PTGER3: variants seen among roughly 807,000 people sequenced by gnomAD.
PTGER3 encodes prostaglandin E receptor 3.
In PTGER3, 22 loss-of-function variants were observed where a neutral mutation model predicts 34.7. The ratio of observed to expected loss-of-function variants is 0.63; its 90% CI spans 0.45 to 0.91. The LOEUF is 0.91. Ranked by LOEUF, PTGER3 falls within the 40% of genes least tolerant of loss-of-function variation. The probability of loss-of-function intolerance (pLI) is 0.00; values close to 1 mark genes in which losing one functional copy is unlikely to be tolerated. For synonymous variants in PTGER3, 241 were observed against 230.1 expected (o/e 1.05, Z -0.43); for missense variants, 468 against 519.4 (o/e 0.90, Z 0.96).
At chr1:71,026,370 T>C (rs1229633979) in intron 1 of PTGER3, among the ~76,000 whole-genome samples, 2 of 152,186 alleles carry the variant, frequency 1.3e-5, no homozygotes, top group Admixed American at 6.5e-5. Flanking sequence ...GCAAGTGCCA[T>C]GCGATATTTA....
At position 71,045,321 on chromosome 1, in the gene PTGER3, T is replaced by A. The variant is rs141560217; in HGVS notation, c.897+1360A>T. On this transcript the variant is annotated intron_variant, in intron 1 of 3. Coordinates refer to ENST00000306666, the MANE Select transcript of PTGER3 (RefSeq NM_198719.2). ...GCCTAATGCCACTGAACTGTACACA[T>A]AATAATGGTTAAAATACTGAATTGT... Among the ~76,000 whole-genome samples the A allele has an allele frequency of 2.1e-3, 327 of 152,326 alleles. 1 individual carries two copies. The highest frequency in any genetic ancestry group is 7.6e-3 in the African/African-American group (317 of 41,574).
At chr1:70,863,897 TG>T (rs1307376189) in intron 4 of PTGER3, among the ~76,000 whole-genome samples, 2 of 152,112 alleles carry the variant, frequency 1.3e-5, no homozygotes, top group Non-Finnish European at 2.9e-5. Flanking sequence ...CATATTATAT[TG>T]GGACATGAAA....
At chr1:70,993,126 T>C (rs1048979048) in intron 2 of PTGER3, among the ~76,000 whole-genome samples, 6 of 152,224 alleles carry the variant, frequency 3.9e-5, no homozygotes, top group African/African-American at 1.4e-4. Context: ...CTTCCAGATA[T>C]TCTCTTATGA....
At position 70,931,830 on chromosome 1, in the gene PTGER3, C is replaced by T. The variant is rs140896909; in HGVS notation, c.*23+21933G>A. 7.2e-3 allele frequency among the ~76,000 whole-genome samples: 1,091 copies of T among 152,276 alleles called. 14 individuals carry two copies. The highest frequency in any genetic ancestry group is 0.025 in the African/African-American group (1,047 of 41,554). On this transcript the variant is annotated intron_variant, in intron 4 of 4. Coordinates refer to the PTGER3 transcript ENST00000370931. The stretch of plus-strand genomic sequence containing the variant: ...GGCTGCCACAAAGACCTATGACATG[C>T]CCTGGGTACATTTTCCCCATTGTCT...
At chr1:70,972,583 A>G (rs1242604584) in intron 3 of PTGER3, among the ~76,000 whole-genome samples, 1 of 152,056 alleles carries the variant, frequency 6.6e-6, no homozygotes, top group Admixed American at 6.5e-5. Context: ...GTACTTGGGT[A>G]ATGATACAGT....
intron 4 of PTGER3, among the ~76,000 whole-genome samples, chr1:70,902,384 T>G (rs116122902): frequency 3.3e-5 from 5 of 152,186 alleles, no homozygotes; most frequent in Non-Finnish European, 7.3e-5. Flanking sequence ...GTACCACATG[T>G]CTGGCAACTG....
chr1:70,965,653 A>G (rs893640763), intron 2 of PTGER3, among the ~76,000 whole-genome samples: 1 of 152,198 alleles, frequency 6.6e-6, no homozygotes, highest in South Asian at 2.1e-4. Context: ...ACCATCAAGC[A>G]GCAGCATCTC....
intron 4 of PTGER3, among the ~76,000 whole-genome samples, chr1:70,863,171 T>C (rs1645965724): frequency 6.6e-6 from 1 of 151,778 alleles, no homozygotes; most frequent in African/African-American, 2.4e-5. Flanking sequence ...ATTTTTTTTT[T>C]CTCAGTCTCA....
chr1:70,992,376 T>C (rs1655554524), intron 2 of PTGER3, among the ~76,000 whole-genome samples: 1 of 152,216 alleles, frequency 6.6e-6, no homozygotes, highest in Non-Finnish European at 1.5e-5. Flanking sequence ...AGCAGAGCGA[T>C]TTCTTTAAAT....
At chr1:70,898,978 A>G (rs11809374) in intron 4 of PTGER3, among the ~76,000 whole-genome samples, 1,992 of 150,784 alleles carry the variant, frequency 0.013, 47 homozygotes, top group African/African-American at 0.047. Flanking sequence ...CTTTCCTTCA[A>G]TTGCCTGGTG....
Position 70,901,784 on chromosome 1 carries a change from A to G in PTGER3, c.*24-48925T>C, listed in dbSNP as rs562135828. On this transcript the variant is annotated intron_variant, in intron 4 of 4. Coordinates refer to the PTGER3 transcript ENST00000370931. ...ATGTTTAGAAAATGAGACAAAATTC[A>G]ATCTTCTGTTTACTTTATCCCAAAC... is the stretch of plus-strand genomic sequence containing the variant. Among the ~76,000 whole-genome samples, 6 of 152,336 alleles carry G rather than the reference A, an allele frequency of 3.9e-5. No homozygotes were observed. In the South Asian group the frequency reaches 1.2e-3, roughly 32 times the overall value.
chr1:70,891,449 C>T (rs1041228610), intron 4 of PTGER3, among the ~76,000 whole-genome samples: 4 of 152,126 alleles, frequency 2.6e-5, no homozygotes, highest in African/African-American at 9.7e-5. Flanking sequence ...ACACTCCTAG[C>T]ACTGCTCTGT....
Position 71,007,682 on chromosome 1 carries a change from C to T in PTGER3, c.1077+4623G>A, listed in dbSNP as rs1657092132. ...AGTAAATCACACGCATTTCCCTCTG[C>T]TTAACATTACAACTTTGATTTCTAC... On this transcript the variant is annotated intron_variant, in intron 2 of 3. Transcript: ENST00000306666. 5 of 985,234 alleles carry T rather than the reference C, an allele frequency of 5.1e-6. No homozygotes were observed. The South Asian group carries it at 2.3e-4, about 46-fold the overall frequency. The allele number at this position is 985,234 out of a possible 1,614,324, so 61.0% of individuals were successfully genotyped here.
intron 4 of PTGER3, among the ~76,000 whole-genome samples, chr1:70,860,124 A>C (rs1289347191): frequency 6.6e-6 from 1 of 152,172 alleles, no homozygotes; most frequent in Non-Finnish European, 1.5e-5. Context: ...ACTGAAGTCA[A>C]GACAAGTAAA....
At chr1:70,871,934 A>G (rs1013692738) in intron 4 of PTGER3, among the ~76,000 whole-genome samples, 3 of 152,146 alleles carry the variant, frequency 2.0e-5, no homozygotes, top group Non-Finnish European at 2.9e-5. Flanking sequence ...TGAGAAGTCT[A>G]TCTGTCAGAT....
intron 2 of PTGER3, among the ~76,000 whole-genome samples, chr1:70,976,405 A>T (rs931093256): frequency 6.6e-6 from 1 of 152,146 alleles, no homozygotes; most frequent in Non-Finnish European, 1.5e-5. Flanking sequence ...CTGGTAGGGG[A>T]CATTGATAAT....
At chr1:70,978,750 GTTC>G (rs1290236331) in intron 2 of PTGER3, among the ~76,000 whole-genome samples, 1 of 152,230 alleles carries the variant, frequency 6.6e-6, no homozygotes, top group Admixed American at 6.5e-5. Flanking sequence ...GCACTGGCAA[GTTC>G]TTCTTAGGCA....
chr1:71,006,186 A>G, intron 2 of PTGER3: 1 of 985,246 alleles, frequency 1.0e-6, no homozygotes, highest in Non-Finnish European at 1.2e-6. Flanking sequence ...TAAAGAATCA[A>G]GATTGTAGAG....
At chr1:70,852,867 A>G (rs2100418371) in intron 4 of PTGER3, 2 of 1,612,940 alleles carry the variant, frequency 1.2e-6, no homozygotes, top group East Asian at 2.2e-5. Context: ...CTCCTGGAAA[A>G]CAAACAAATC....
Sources: allele counts gnomAD v4.1 joint callset (sites outside exome capture counted in the v4.1 genomes callset), GRCh38; gene constraint gnomAD v4.1.1; transcripts MANE v1.5; gene names NCBI Gene and HGNC (gene_info 2026-07-23, HGNC 2026-07-21).